Variants in PDE1C observed in about 807,000 individuals in gnomAD.
PDE1C encodes dual specificity calcium/calmodulin-dependent 3',5'-cyclic nucleotide phosphodiesterase 1C.
A neutral mutation model predicts 93.1 loss-of-function variants in PDE1C; 62 were observed. The ratio of observed to expected loss-of-function variants is 0.67; its 90% CI spans 0.54 to 0.82. PDE1C has a LOEUF of 0.82. Ranked by LOEUF, PDE1C falls within the 40% of genes least tolerant of loss-of-function variation. PDE1C has a pLI of 0.00. For synonymous variants in PDE1C, 325 were observed against 310.1 expected (o/e 1.05, Z -0.50); for missense variants, 742 against 884.6 (o/e 0.84, Z 2.04).
chr7:32,297,089 T>C lies in PDE1C; in HGVS notation c.85+1562A>G, dbSNP rs564028248. Among the ~76,000 whole-genome samples, 4 of 152,270 alleles carry C rather than the reference T, an allele frequency of 2.6e-5. No homozygotes were observed. In the East Asian group the frequency reaches 7.7e-4, roughly 29 times the overall value. ...CTAAAGCATAGACAAGATTTCTCAA[T>C]GCTGTGTTGAGGGAATGGCTTTCCT... On this transcript the variant is annotated intron_variant, in intron 1 of 18. Coordinates refer to the PDE1C transcript ENST00000396193.
At chr7:32,380,434 G>A (rs1283876082) in intron 1 of PDE1C, among the ~76,000 whole-genome samples, 1 of 134,882 alleles carries the variant, frequency 7.4e-6, no homozygotes, top group Non-Finnish European at 1.6e-5. Context: ...TTTTAGTAGA[G>A]ACAGGGTTCC....
chr7:31,715,396 G>A, the PDE1C span, among the ~76,000 whole-genome samples: 4 of 152,132 alleles, frequency 2.6e-5, no homozygotes, highest in East Asian at 1.9e-4. Flanking sequence ...CCAGCGCCAC[G>A]CCCAGCTAAC....
At chr7:31,721,629 G>A in the PDE1C span, among the ~76,000 whole-genome samples, 2 of 152,182 alleles carry the variant, frequency 1.3e-5, no homozygotes, top group Admixed American at 6.5e-5. Flanking sequence ...TCATGTATCA[G>A]AGACAGTAGG....
At chr7:32,070,557 G>T (rs1174039514), upstream of PDE1C, 1 of 1,446,764 alleles carries the variant, frequency 6.9e-7, no homozygotes, top group Non-Finnish European at 9.1e-7. Context: ...GACTTAGAGC[G>T]GACTCCGATC....
At chr7:32,050,096 C>T (rs746849520) in intron 2 of PDE1C, among the ~76,000 whole-genome samples, 1 of 152,100 alleles carries the variant, frequency 6.6e-6, no homozygotes, top group Non-Finnish European at 1.5e-5. Flanking sequence ...CATATCTAAA[C>T]ATAGAAAAGC....
intron 2 of PDE1C, among the ~76,000 whole-genome samples, chr7:32,038,194 G>A (rs1042638017): frequency 3.9e-5 from 6 of 152,078 alleles, no homozygotes; most frequent in Middle Eastern, 3.2e-3. Context: ...GCCTCTTTAT[G>A]CAGACCTGCA....
At chr7:32,158,151 T>C (rs749831268) in intron 3 of PDE1C, among the ~76,000 whole-genome samples, 18 of 152,298 alleles carry the variant, frequency 1.2e-4, no homozygotes, top group Non-Finnish European at 2.2e-4. Flanking sequence ...GTTAAACCAA[T>C]GAAAGTTTAA....
the PDE1C span, chr7:31,651,272 AATT>A: frequency 3.8e-5 from 62 of 1,612,584 alleles, no homozygotes; most frequent in African/African-American, 6.4e-4. Context: ...GAGGAAAGGT[AATT>A]ACCTAAGGGA....
At chr7:31,713,221 T>A in the PDE1C span, among the ~76,000 whole-genome samples, 3 of 152,140 alleles carry the variant, frequency 2.0e-5, no homozygotes, top group Admixed American at 6.5e-5. Context: ...ATACAGCCAT[T>A]CCAAATGGGA....
At position 32,273,555 on chromosome 7, in the gene PDE1C, C is replaced by G. The variant is rs183697170; in HGVS notation, c.85+25096G>C. ...CCCCACTGGACTTCCTTCATGGTTC[C>G]TTGCATTTGTTTGTTAGGGAGACAG... On this transcript the variant is annotated intron_variant, in intron 1 of 18. Transcript: ENST00000396193. 9.9e-5 allele frequency among the ~76,000 whole-genome samples: 15 copies of G among 152,266 alleles called. No individual in the cohort carries two copies. The East Asian group carries it at 2.7e-3, about 27-fold the overall frequency.
At chr7:32,340,976 A>G (rs1338435364) in intron 1 of PDE1C, among the ~76,000 whole-genome samples, 1 of 152,082 alleles carries the variant, frequency 6.6e-6, no homozygotes, top group African/African-American at 2.4e-5. Flanking sequence ...AACACCAAGA[A>G]TGGCCCCTAA....
intron 1 of PDE1C, among the ~76,000 whole-genome samples, chr7:32,289,683 T>A (rs1301134577): frequency 6.6e-6 from 1 of 152,200 alleles, no homozygotes. Flanking sequence ...ACTTATTACT[T>A]TGACCTTGAG....
intron 11 of PDE1C, among the ~76,000 whole-genome samples, chr7:31,832,889 T>G (rs1044289745): frequency 6.6e-6 from 1 of 152,200 alleles, no homozygotes; most frequent in Non-Finnish European, 1.5e-5. Context: ...AAGAATCACT[T>G]TAATACCTCA....
At chr7:32,300,802 A>G (rs979302940), upstream of PDE1C, among the ~76,000 whole-genome samples, 1 of 152,174 alleles carries the variant, frequency 6.6e-6, no homozygotes, top group African/African-American at 2.4e-5. Flanking sequence ...CATTTTATAT[A>G]TAATATATTA....
chr7:32,358,077 G>A (rs984651680), intron 1 of PDE1C, among the ~76,000 whole-genome samples: 25 of 152,194 alleles, frequency 1.6e-4, no homozygotes, highest in African/African-American at 5.3e-4. Context: ...GAAAGTGCCC[G>A]GCACTGCTCC....
chr7:32,307,845 C>T (rs1001515508), intron 1 of PDE1C, among the ~76,000 whole-genome samples: 5 of 152,190 alleles, frequency 3.3e-5, no homozygotes, highest in Admixed American at 2.0e-4. Flanking sequence ...TCTGAGGTAC[C>T]GGGTTCATCT....
At chr7:32,392,042 T>C (rs73303798) in intron 1 of PDE1C, among the ~76,000 whole-genome samples, 8,544 of 151,918 alleles carry the variant, frequency 0.056, 541 homozygotes, top group South Asian at 0.17. Flanking sequence ...TTTAAAAAGT[T>C]GGTTCTTTGA....
At chr7:31,780,861 T>C (rs951988523) in intron 16 of PDE1C, among the ~76,000 whole-genome samples, 2 of 151,548 alleles carry the variant, frequency 1.3e-5, no homozygotes, top group Non-Finnish European at 2.9e-5. Context: ...AGGTAATCTG[T>C]CATCTTTGGG....
At chr7:31,862,765 A>G (rs1056100220) in intron 7 of PDE1C, among the ~76,000 whole-genome samples, 3 of 152,234 alleles carry the variant, frequency 2.0e-5, no homozygotes, top group Admixed American at 6.5e-5. Flanking sequence ...ATAGTATCCC[A>G]TAATAAAGGA....
Sources: gnomAD v4.1 joint callset for allele counts (sites outside exome capture counted in the v4.1 genomes callset) on GRCh38, gnomAD v4.1.1 for gene constraint, MANE v1.5 for transcripts, NCBI Gene and HGNC (gene_info 2026-07-23, HGNC 2026-07-21) for gene names.